ZNF236: variants seen among roughly 807,000 people sequenced by gnomAD.
The protein encoded by ZNF236 is zinc finger protein 236.
A neutral mutation model predicts 191.2 loss-of-function variants in ZNF236; 50 were observed. The ratio of observed to expected loss-of-function variants is 0.26; its 90% CI spans 0.21 to 0.33. The LOEUF (loss-of-function observed/expected upper bound fraction) is 0.33, where lower values mean the gene tolerates loss of function less well. ZNF236 is among the 10% of genes least tolerant of loss of function. The pLI is 1.00. For missense variants in ZNF236, 1,754 were observed against 2,374.5 expected (o/e 0.74, Z 5.43); for synonymous variants, 907 against 928.8 (o/e 0.98, Z 0.43).
chr18:76,942,283 C>G (rs60678645), intron 26 of ZNF236, among the ~76,000 whole-genome samples: 7,155 of 152,226 alleles, frequency 0.047, 294 homozygotes, highest in African/African-American at 0.11. Flanking sequence ...GAACACTGCA[C>G]TCTGTGCATG....
At chr18:76,896,269 G>C (rs1229447897) in intron 10 of ZNF236, among the ~76,000 whole-genome samples, 1 of 145,800 alleles carries the variant, frequency 6.9e-6, no homozygotes, top group African/African-American at 2.6e-5. Flanking sequence ...CTGCACACAG[G>C]TACCAAACAT....
Position 76,894,989 on chromosome 18 carries a change from G to A in ZNF236, c.1418-24G>A, listed in dbSNP as rs201583268. On this transcript the variant is annotated intron_variant, in intron 9 of 30. Coordinates refer to ENST00000320610, the MANE Select transcript of ZNF236 (RefSeq NM_001306089.2). ...CCTAGGCGGGGTGTCCAGGCCAAGC[G>A]GGACGTGTCCTCTCCCTTCACAGGC... The A allele has an allele frequency of 1.4e-4, 218 of 1,603,712 alleles. No individual in the cohort carries two copies. The Middle Eastern group carries it at 2.1e-3, about 16-fold the overall frequency.
At chr18:76,943,631 C>T (rs1309085031) in intron 26 of ZNF236, among the ~76,000 whole-genome samples, 1 of 152,110 alleles carries the variant, frequency 6.6e-6, no homozygotes, top group Non-Finnish European at 1.5e-5. Flanking sequence ...CTTTTTAAGT[C>T]TAAATTTGAC....
intron 1 of ZNF236, among the ~76,000 whole-genome samples, chr18:76,826,265 C>A (rs1975016021): frequency 6.6e-6 from 1 of 151,232 alleles, no homozygotes; most frequent in African/African-American, 2.4e-5. Flanking sequence ...GCGTGAGCCA[C>A]CATGGCTAGC....
At chr18:76,874,222 C>T (rs1265084023) in intron 5 of ZNF236, among the ~76,000 whole-genome samples, 1 of 152,180 alleles carries the variant, frequency 6.6e-6, no homozygotes, top group Non-Finnish European at 1.5e-5. Flanking sequence ...GGGATTTTTA[C>T]CATTTGTGTA....
intron 7 of ZNF236, among the ~76,000 whole-genome samples, chr18:76,878,755 C>G (rs1057083864): frequency 3.9e-5 from 6 of 152,100 alleles, no homozygotes; most frequent in Non-Finnish European, 8.8e-5. Context: ...TAAGCATCAA[C>G]TATAGGTATC....
intron 1 of ZNF236, among the ~76,000 whole-genome samples, chr18:76,836,375 C>T (rs1400084493): frequency 6.6e-6 from 1 of 151,996 alleles, no homozygotes; most frequent in African/African-American, 2.4e-5. Flanking sequence ...TGCCCACCAC[C>T]ATGCCTGGCT....
At chr18:76,848,293 T>C (rs1975759083) in intron 1 of ZNF236, among the ~76,000 whole-genome samples, 1 of 152,256 alleles carries the variant, frequency 6.6e-6, no homozygotes, top group Non-Finnish European at 1.5e-5. Context: ...TACCCTGTAC[T>C]CTACTCCCAA....
chr18:76,942,968 A>C (rs192347124), intron 26 of ZNF236, among the ~76,000 whole-genome samples: 5,349 of 150,408 alleles, frequency 0.036, 310 homozygotes, highest in African/African-American at 0.12. Context: ...CTAAAAATAC[A>C]AAAAATTAGC....
chr18:76,836,600 C>CA (rs1430598235), intron 1 of ZNF236, among the ~76,000 whole-genome samples: 1 of 150,200 alleles, frequency 6.7e-6, no homozygotes, highest in Non-Finnish European at 1.5e-5. Flanking sequence ...TTTTTTGAGA[C>CA]AGAGTTTTGC....
At chr18:76,949,089 A>T (rs1599420196) in intron 27 of ZNF236, among the ~76,000 whole-genome samples, 1 of 152,202 alleles carries the variant, frequency 6.6e-6, no homozygotes, top group Non-Finnish European at 1.5e-5. Flanking sequence ...CAGAAAAAGC[A>T]TTGGCAGCTT....
chr18:76,924,242 C>T (rs1370056092), intron 21 of ZNF236, among the ~76,000 whole-genome samples: 1 of 152,222 alleles, frequency 6.6e-6, no homozygotes, highest in Non-Finnish European at 1.5e-5. Context: ...TTTGTGCCCC[C>T]AGGCCTAGGG....
chr18:76,932,616 G>C (rs1023194871), intron 25 of ZNF236, among the ~76,000 whole-genome samples: 3 of 152,132 alleles, frequency 2.0e-5, no homozygotes, highest in Non-Finnish European at 1.5e-5. Context: ...GAGATGTCTG[G>C]ATTCATGCCC....
At chr18:76,961,399 G>GTA in intron 30 of ZNF236, among the ~76,000 whole-genome samples, 1 of 140,214 alleles carries the variant, frequency 7.1e-6, no homozygotes, top group Non-Finnish European at 1.5e-5. Context: ...GTGTGTGTGT[G>GTA]TGTGTGTATT....
In ZNF236 at chr18:76,927,039, G is replaced by A. The variant is rs1186411982; in HGVS notation, c.4030G>A (p.Gly1344Arg). The A allele has an allele frequency of 6.2e-7, 1 of 1,606,510 alleles. No homozygotes were observed. The highest frequency in any genetic ancestry group is 8.5e-7 in the Non-Finnish European group (1 of 1,174,116). The change falls in exon 23 of 31, where the codon GGG becomes AGG. Residue 1344 changes from glycine to arginine, a missense_variant and splice_region_variant. Gly to Arg is a moderately radical substitution (Grantham distance 125). Coordinates refer to ENST00000320610, the MANE Select transcript of ZNF236 (RefSeq NM_001306089.2). This position sits in a 1 kb window ranked among gnomAD's most constrained non-coding sequence, Gnocchi z 5.4. The stretch of plus-strand genomic sequence containing the variant: ...TCTCTTTCTCTTTCTCTGGCCAGCT[G>A]GGGGTGACCTGACCGTGTCTCTGAC... Reference protein sequence around the residue: ...QAILPASVSAGGDLTVSLTDG... With the variant: ...QAILPASVSARGDLTVSLTDG...
rs993314806 is a variant in ZNF236 at position 76,960,322 on chromosome 18, T to A, written c.5243-357T>A. Among the ~76,000 whole-genome samples, 2 of 152,214 alleles carry A rather than the reference T, an allele frequency of 1.3e-5. No individual in the cohort carries two copies. Among genetic ancestry groups the A allele is most frequent in the South Asian group, 4.1e-4 (2 of 4,836 alleles). On this transcript the variant is annotated intron_variant, in intron 29 of 30. Coordinates refer to ENST00000320610, the MANE Select transcript of ZNF236 (RefSeq NM_001306089.2). The surrounding 1 kb of genome is among the most constrained non-coding windows in gnomAD (Gnocchi z 4.4). Reference sequence around the variant, plus strand: ...TCTTCTGCCTCTTGACTGTACATGATAGCTCGTGTCAGCCCTTCCGTCTCC... The same window carrying A: ...TCTTCTGCCTCTTGACTGTACATGAAAGCTCGTGTCAGCCCTTCCGTCTCC...
chr18:76,941,724 T>A (rs9957513), intron 26 of ZNF236, among the ~76,000 whole-genome samples: 5 of 152,132 alleles, frequency 3.3e-5, no homozygotes, highest in Admixed American at 3.3e-4. Context: ...AAGTTCATTC[T>A]GTATATTCTT....
At chr18:76,891,872 T>G (rs1264354861) in intron 9 of ZNF236, among the ~76,000 whole-genome samples, 1 of 152,230 alleles carries the variant, frequency 6.6e-6, no homozygotes, top group Non-Finnish European at 1.5e-5. Context: ...TTTATTCAAG[T>G]GTTCTGAGTG....
intron 7 of ZNF236, among the ~76,000 whole-genome samples, chr18:76,879,831 A>G (rs928023223): frequency 1.3e-5 from 2 of 152,178 alleles, no homozygotes; most frequent in Non-Finnish European, 2.9e-5. Context: ...ATGGGCTAAC[A>G]GGAAGGTGAG....
Sources: allele counts gnomAD v4.1 joint callset (sites outside exome capture counted in the v4.1 genomes callset), GRCh38; gene constraint gnomAD v4.1.1; non-coding constraint Gnocchi (gnomAD v3.1); transcripts MANE v1.5; gene names NCBI Gene and HGNC (gene_info 2026-07-23, HGNC 2026-07-21).